Variants in TJP1 observed in about 807,000 individuals in gnomAD.
The protein encoded by TJP1 is tight junction protein 1.
In TJP1, 43 loss-of-function variants were observed where a neutral mutation model predicts 194.2. The ratio of observed to expected loss-of-function variants is 0.22; its 90% CI spans 0.17 to 0.29. The LOEUF is 0.29. Ranked by LOEUF, TJP1 falls within the 10% of genes least tolerant of loss-of-function variation. TJP1 has a pLI of 1.00. For synonymous variants in TJP1, 801 were observed against 779.0 expected (o/e 1.03, Z -0.47); for missense variants, 1,971 against 2,185.7 (o/e 0.90, Z 1.96).
Position 29,789,116 on chromosome 15 carries a change from TTTTC to T in TJP1, c.84+11526_84+11529del, listed in dbSNP as rs1478143515. On this transcript the variant is annotated intron_variant, in intron 2 of 27. Transcript: ENST00000614355. Reference sequence around the variant, plus strand: ...CTATTATAAAGTTAGTTTCACCTGTTTTTCTTTTTTTTTACAGTTTTTAATAAGA... The same window carrying T: ...CTATTATAAAGTTAGTTTCACCTGTTTTTTTTTTTACAGTTTTTAATAAGA... Among the ~76,000 whole-genome samples, 72 of 152,182 alleles carry T rather than the reference TTTTC, an allele frequency of 4.7e-4. 1 individual carries two copies. The highest frequency in any genetic ancestry group is 1.7e-3 in the African/African-American group (71 of 41,490).
At chr15:29,841,750 T>G (rs7183413) in intron 2 of TJP1, among the ~76,000 whole-genome samples, 77,095 of 151,622 alleles carry the variant, frequency 0.51, 19,830 homozygotes, top group Middle Eastern at 0.67. Context: ...CTTCCTTTCT[T>G]CCCTGATTTT....
intron 2 of TJP1, among the ~76,000 whole-genome samples, chr15:29,844,916 G>T (rs2051354283): frequency 6.6e-6 from 1 of 152,180 alleles, no homozygotes; most frequent in Admixed American, 6.5e-5. Context: ...CTTTGGGCAT[G>T]CCAATGGTAA....
At chr15:29,952,200 C>T (rs1384549627) in intron 2 of TJP1, among the ~76,000 whole-genome samples, 1 of 152,166 alleles carries the variant, frequency 6.6e-6, no homozygotes. Context: ...CTCATTACAA[C>T]ATTGAAGAAG....
chr15:29,957,449 CCAGA>C (rs1474163879), intron 1 of TJP1, among the ~76,000 whole-genome samples: 10 of 151,668 alleles, frequency 6.6e-5, no homozygotes, highest in Admixed American at 5.2e-4. Context: ...GTATAATCTC[CCAGA>C]CAAATGCTCA....
chr15:29,773,853 GC>G (rs2046845210), intron 2 of TJP1, among the ~76,000 whole-genome samples: 1 of 152,132 alleles, frequency 6.6e-6, no homozygotes, highest in Non-Finnish European at 1.5e-5. Flanking sequence ...AGAATATAAT[GC>G]CTTGTGCACA....
At position 29,785,255 on chromosome 15, in the gene TJP1, C is replaced by T. The variant is rs114851646; in HGVS notation, c.85-11898G>A. ...AATAACTTCTGTGTTTATATGTCTA[C>T]GCCTGGCTAGACAACTGAATTTATG... On this transcript the variant is annotated intron_variant, in intron 2 of 27. Coordinates refer to ENST00000614355, the MANE Select transcript of TJP1 (RefSeq NM_001330239.4). Among the ~76,000 whole-genome samples the T allele has an allele frequency of 5.1e-3, 770 of 152,270 alleles. 8 individuals are homozygous for T. The highest frequency in any genetic ancestry group is 0.017 in the African/African-American group (714 of 41,566).
chr15:29,761,067 T>G, intron 8 of TJP1, 72 bp downstream of exon 8: 2 of 1,433,466 alleles, frequency 1.4e-6, no homozygotes, highest in Non-Finnish European at 1.9e-6. Flanking sequence ...TAATTTTATT[T>G]GTAAGCAATT....
chr15:29,741,887 T>C (rs2044445313), intron 9 of TJP1, among the ~76,000 whole-genome samples: 2 of 152,162 alleles, frequency 1.3e-5, no homozygotes, highest in African/African-American at 4.8e-5. Flanking sequence ...CAACCGATCT[T>C]AGCACCTTGC....
rs1037737420 is a variant in TJP1 at position 29,940,129 on chromosome 15, G to A, written c.306+16103C>T. On this transcript the variant is annotated intron_variant, in intron 2 of 28. Coordinates refer to the TJP1 transcript ENST00000356107. ...TTATGACAGCATCCAAGTCAGGTTCGGAGGAATGGGCCTTCCTCTAACCTA... is the reference window on the plus strand; with the variant it reads ...TTATGACAGCATCCAAGTCAGGTTCAGAGGAATGGGCCTTCCTCTAACCTA... 6.6e-5 allele frequency among the ~76,000 whole-genome samples: 10 copies of A among 152,148 alleles called. No individual in the cohort carries two copies. The East Asian group carries it at 7.7e-4, about 12-fold the overall frequency.
intron 1 of TJP1, among the ~76,000 whole-genome samples, chr15:29,813,528 T>C (rs190093881): frequency 6.6e-6 from 1 of 152,176 alleles, no homozygotes. Context: ...CTTACAAACA[T>C]AATGCTGAGC....
intron 2 of TJP1, among the ~76,000 whole-genome samples, chr15:29,882,678 G>A (rs2052979897): frequency 6.6e-6 from 1 of 152,214 alleles, no homozygotes; most frequent in Non-Finnish European, 1.5e-5. Flanking sequence ...CGGACCGAAA[G>A]GTCCTTGTAT....
At chr15:29,801,757 G>A (rs558062893) in intron 1 of TJP1, among the ~76,000 whole-genome samples, 37 of 152,118 alleles carry the variant, frequency 2.4e-4, no homozygotes, top group Non-Finnish European at 4.3e-4. Context: ...CACCGCGCCC[G>A]GCCGAAAATA....
At chr15:29,901,652 T>C (rs1276189630) in intron 2 of TJP1, among the ~76,000 whole-genome samples, 1 of 151,982 alleles carries the variant, frequency 6.6e-6, no homozygotes, top group Non-Finnish European at 1.5e-5. Context: ...TGAAACCCCA[T>C]CTCTACTAAA....
Position 29,766,396 on chromosome 15 carries a change from C to A in TJP1, c.459G>T (p.Lys153Asn). The A allele has an allele frequency of 6.2e-7, 1 of 1,614,182 alleles. No individual in the cohort carries two copies. The highest frequency in any genetic ancestry group is 1.1e-5 in the South Asian group (1 of 91,072). Residue 153 changes from lysine (K) to asparagine (N), a missense_variant, in exon 5 of 28, where the codon AAG becomes AAT. Transcript: ENST00000614355. Reference sequence around the variant, plus strand: ...TTGCACTTCTATCCCTCGGCCAAATCTTCTCACTCCTTCTGTTAACCACAC... The same window carrying A: ...TTGCACTTCTATCCCTCGGCCAAATATTCTCACTCCTTCTGTTAACCACAC... ...RSGVVNRRSE[K>N]IWPRDRSASR...
At chr15:29,793,745 CT>C (rs2048238678) in intron 2 of TJP1, among the ~76,000 whole-genome samples, 1 of 152,206 alleles carries the variant, frequency 6.6e-6, no homozygotes, top group East Asian at 1.9e-4. Flanking sequence ...CACCAGGCCC[CT>C]CCTCCAACAC....
chr15:29,770,303 C>A (rs2046575369), intron 4 of TJP1, among the ~76,000 whole-genome samples: 1 of 151,790 alleles, frequency 6.6e-6, no homozygotes, highest in Non-Finnish European at 1.5e-5. Flanking sequence ...AAAATACGGG[C>A]TTGGTAGCGG....
At chr15:29,727,588 C>A (rs972042245) in intron 16 of TJP1, among the ~76,000 whole-genome samples, 2 of 152,120 alleles carry the variant, frequency 1.3e-5, no homozygotes, top group Non-Finnish European at 2.9e-5. Context: ...GTATTATCCA[C>A]GTACAGTTAG....
At chr15:29,709,882 T>C (rs1048020257) in intron 24 of TJP1, among the ~76,000 whole-genome samples, 2 of 152,182 alleles carry the variant, frequency 1.3e-5, no homozygotes, top group African/African-American at 4.8e-5. Context: ...CGGTGGCTCA[T>C]GCCTGTAATC....
In TJP1 at chr15:29,907,275, GGC is replaced by G. The variant is rs550605875; in HGVS notation, c.306+48955_306+48956del. Among the ~76,000 whole-genome samples the G allele has an allele frequency of 1.1e-3, 163 of 152,142 alleles. 4 individuals carry two copies. Among genetic ancestry groups the G allele is most frequent in the African/African-American group, 3.8e-3 (158 of 41,516 alleles). Reference sequence around the variant, plus strand: ...ATACAAAAACTTAGCCAGGGGTGGTGGCGGGCGCCTGTAGCCCCAGCTACTCG... The same window carrying G: ...ATACAAAAACTTAGCCAGGGGTGGTGGGGCGCCTGTAGCCCCAGCTACTCG... On this transcript the variant is annotated intron_variant, in intron 2 of 28. Coordinates refer to the TJP1 transcript ENST00000356107.
Sources: allele counts gnomAD v4.1 joint callset (sites outside exome capture counted in the v4.1 genomes callset), GRCh38; gene constraint gnomAD v4.1.1; transcripts MANE v1.5; gene names NCBI Gene and HGNC (gene_info 2026-07-23, HGNC 2026-07-21).